MTOR: variants seen among roughly 807,000 people sequenced by gnomAD.
The protein encoded by MTOR is mechanistic target of rapamycin kinase.
Under a neutral mutation model 319.8 loss-of-function variants are expected in MTOR, and 70 were observed. That is an observed-to-expected ratio of 0.22 (90% CI 0.18 to 0.27). The LOEUF is 0.27. MTOR is among the 10% of genes least tolerant of loss of function. The probability of loss-of-function intolerance (pLI) is 1.00; values close to 1 mark genes in which losing one functional copy is unlikely to be tolerated. For missense variants in MTOR, 1,890 were observed against 3,274.4 expected, an observed-to-expected ratio of 0.58 and a Z score of 10.32; for synonymous variants, 1,183 against 1,211.4, an observed-to-expected ratio of 0.98 and a Z score of 0.49.
chr1:11,224,263 C>A (rs1411627803), intron 19 of MTOR, among the ~76,000 whole-genome samples: 1 of 151,632 alleles, frequency 6.6e-6, no homozygotes, highest in Non-Finnish European at 1.5e-5. Flanking sequence ...ACATATACCT[C>A]CAAAAAAAAG....
intron 29 of MTOR, among the ~76,000 whole-genome samples, chr1:11,164,968 C>T (rs189157912): frequency 1.3e-5 from 2 of 152,260 alleles, no homozygotes; most frequent in East Asian, 3.9e-4. Context: ...TAAACGTAAT[C>T]CATCATATAA....
intron 46 of MTOR, among the ~76,000 whole-genome samples, chr1:11,125,933 C>T (rs568641239): frequency 4.2e-5 from 6 of 143,176 alleles, no homozygotes; most frequent in Admixed American, 2.8e-4. Flanking sequence ...CCCAGCTACG[C>T]GGGAGGCTGA....
rs755924540 is a variant in MTOR, at chr1:11,121,158, G to A, written c.6933+88C>T. Reference sequence around the variant, plus strand: ...CAGCCAATCACAGCAAAGAAGAGCCGCTGTGTGCACATGAACAGATGGGAG... The same window carrying A: ...CAGCCAATCACAGCAAAGAAGAGCCACTGTGTGCACATGAACAGATGGGAG... On this transcript the variant is annotated intron_variant, in intron 49 of 57. Coordinates refer to ENST00000361445, the MANE Select transcript of MTOR (RefSeq NM_004958.4). The surrounding 1 kb of genome is among the most constrained non-coding windows in gnomAD (Gnocchi z 4.9). The A allele has an allele frequency of 6.3e-5, 97 of 1,549,406 alleles. 1 individual carries two copies. Among genetic ancestry groups the A allele is most frequent in the South Asian group, 5.1e-4 (43 of 84,940 alleles).
At chr1:11,184,124 C>T (rs1269797563) in intron 28 of MTOR, among the ~76,000 whole-genome samples, 1 of 152,092 alleles carries the variant, frequency 6.6e-6, no homozygotes, top group Non-Finnish European at 1.5e-5. Context: ...TTTCCTTATC[C>T]AAAAATACCT....
chr1:11,238,919 C>T (rs988472096), intron 11 of MTOR, among the ~76,000 whole-genome samples: 14 of 146,074 alleles, frequency 9.6e-5, no homozygotes, highest in African/African-American at 3.4e-4. Flanking sequence ...CCTACCACCA[C>T]GCCTGGCTAA....
chr1:11,155,926 A>ACAT (rs1350292667), intron 30 of MTOR, among the ~76,000 whole-genome samples: 3 of 152,244 alleles, frequency 2.0e-5, no homozygotes, highest in African/African-American at 7.2e-5. Flanking sequence ...TTCCAGAGAA[A>ACAT]GTAGGGATAA....
intron 28 of MTOR, among the ~76,000 whole-genome samples, chr1:11,177,361 C>G (rs1645023608): frequency 6.6e-6 from 1 of 152,100 alleles, no homozygotes; most frequent in Admixed American, 6.5e-5. Flanking sequence ...AATTCAAGAC[C>G]AGCCTGAGCA....
intron 28 of MTOR, among the ~76,000 whole-genome samples, chr1:11,171,504 CAACAAA>C (rs944439130): frequency 3.0e-4 from 45 of 151,870 alleles, no homozygotes; most frequent in African/African-American, 1.1e-3. Flanking sequence ...GAGGAGAAAA[CAACAAA>C]AACAAAAACA....
At chr1:11,165,519 T>C (rs575847523) in intron 29 of MTOR, among the ~76,000 whole-genome samples, 1 of 151,908 alleles carries the variant, frequency 6.6e-6, no homozygotes. Flanking sequence ...ATAAAATACC[T>C]AGGAATCCAA....
chr1:11,181,054 C>T (rs920765154), intron 28 of MTOR, among the ~76,000 whole-genome samples: 4 of 152,156 alleles, frequency 2.6e-5, no homozygotes, highest in Non-Finnish European at 2.9e-5. Flanking sequence ...GGATTACAGG[C>T]ATGAGCCACC....
intron 19 of MTOR, among the ~76,000 whole-genome samples, chr1:11,222,767 A>T (rs1032910059): frequency 6.6e-5 from 10 of 151,716 alleles, no homozygotes; most frequent in African/African-American, 1.7e-4. Flanking sequence ...TTTTTTTAAT[A>T]AAAAAAATAT....
chr1:11,202,420 CAA>C (rs35136193), intron 26 of MTOR, among the ~76,000 whole-genome samples: 11 of 72,132 alleles, frequency 1.5e-4, no homozygotes, highest in African/African-American at 5.7e-4. Flanking sequence ...AACTCCGTCT[CAA>C]AAAAAAAAAA....
intron 30 of MTOR, among the ~76,000 whole-genome samples, chr1:11,156,898 T>A (rs541285144): frequency 3.3e-5 from 5 of 152,270 alleles, no homozygotes; most frequent in African/African-American, 1.2e-4. Flanking sequence ...GAGAAGTAGA[T>A]CCCAGGAGCA....
intron 30 of MTOR, among the ~76,000 whole-genome samples, chr1:11,155,815 G>C (rs1261200338): frequency 1.3e-5 from 2 of 152,062 alleles, no homozygotes; most frequent in African/African-American, 4.8e-5. Flanking sequence ...TAACTGTCTT[G>C]CTCACGGCTG....
chr1:11,202,496 C>T (rs1303315778), intron 26 of MTOR, among the ~76,000 whole-genome samples: 2 of 149,908 alleles, frequency 1.3e-5, no homozygotes, highest in Admixed American at 6.7e-5. Context: ...TGAGAAATTA[C>T]CTGATAGGTA....
Position 11,109,686 on chromosome 1 carries a change from T to C in MTOR, c.7410A>G (p.Lys2470=). Residue 2470 remains lysine, a synonymous_variant, in exon 55 of 58, where the codon AAA becomes AAG. Coordinates refer to ENST00000361445, the MANE Select transcript of MTOR (RefSeq NM_004958.4). This position sits in a 1 kb window ranked among gnomAD's most constrained non-coding sequence, Gnocchi z 4.0. ...GVELGEPAHK[K]TGTTVPESIH... is the part of the protein sequence containing the mutation. The stretch of plus-strand genomic sequence containing the variant: ...TAGATTCTGGCACTGTGGTCCCCGT[T>C]TTCTTATGGGCTGGCTCTCCAAGTT... 1 of 1,614,152 alleles carries C rather than the reference T, an allele frequency of 6.2e-7. No individual in the cohort carries two copies. The highest frequency in any genetic ancestry group is 8.5e-7 in the Non-Finnish European group (1 of 1,180,032).
intron 47 of MTOR, among the ~76,000 whole-genome samples, chr1:11,123,909 T>C (rs563404236): frequency 6.6e-6 from 1 of 152,166 alleles, no homozygotes; most frequent in South Asian, 2.1e-4. Context: ...TGCCTCAGCC[T>C]CCTGAGTAGC....
intron 28 of MTOR, among the ~76,000 whole-genome samples, chr1:11,185,428 A>AAAAGAAAG (rs552054713): frequency 6.6e-6 from 1 of 150,476 alleles, no homozygotes; most frequent in Non-Finnish European, 1.5e-5. Context: ...AAAAAAAAAG[A>AAAAGAAAG]AAAGAAAGAA....
intron 30 of MTOR, among the ~76,000 whole-genome samples, chr1:11,156,903 G>A (rs1406634276): frequency 6.6e-6 from 1 of 152,144 alleles, no homozygotes; most frequent in African/African-American, 2.4e-5. Context: ...GTAGATCCCA[G>A]GAGCACCCCC....
Sources: gnomAD v4.1 joint callset for allele counts (sites outside exome capture counted in the v4.1 genomes callset) on GRCh38, gnomAD v4.1.1 for gene constraint, Gnocchi (gnomAD v3.1) non-coding constraint, MANE v1.5 for transcripts, NCBI Gene and HGNC (gene_info 2026-07-23, HGNC 2026-07-21) for gene names.